Variants in UNC13C observed in about 807,000 individuals in gnomAD.
UNC13C encodes the protein protein unc-13 homolog C.
Under a neutral mutation model 245.4 loss-of-function variants are expected in UNC13C, and 174 were observed. The observed-to-expected ratio is 0.71, with a 90% CI of 0.63 to 0.80. The LOEUF is 0.80. Ranked by LOEUF, UNC13C falls within the 30% of genes least tolerant of loss-of-function variation. UNC13C has a pLI of 0.00. For missense variants in UNC13C, 2,829 were observed against 2,602.9 expected (o/e 1.09, Z -1.89); for synonymous variants, 992 against 895.1 (o/e 1.11, Z -1.93).
At chr15:54,048,047 C>T (rs910845526) in intron 2 of UNC13C, among the ~76,000 whole-genome samples, 2 of 152,108 alleles carry the variant, frequency 1.3e-5, no homozygotes, top group African/African-American at 2.4e-5. Context: ...TGTACTTTTA[C>T]GTTAAATACA....
intron 4 of UNC13C, among the ~76,000 whole-genome samples, chr15:54,203,222 G>A (rs2034578289): frequency 6.6e-6 from 1 of 151,918 alleles, no homozygotes; most frequent in South Asian, 2.1e-4. Flanking sequence ...TTTTTACACT[G>A]TTGGTGGGAA....
chr15:54,585,771 C>G (rs1333472442), intron 30 of UNC13C, among the ~76,000 whole-genome samples: 2 of 152,136 alleles, frequency 1.3e-5, no homozygotes. Flanking sequence ...AGAAAAAAAT[C>G]TCACCTCTTA....
At chr15:54,434,689 C>T (rs898414668) in intron 19 of UNC13C, among the ~76,000 whole-genome samples, 12 of 152,034 alleles carry the variant, frequency 7.9e-5, no homozygotes, top group African/African-American at 2.9e-4. Flanking sequence ...GACTTCATGA[C>T]TAAAACACTG....
chr15:54,167,633 A>T (rs1290398676), intron 4 of UNC13C, among the ~76,000 whole-genome samples: 1 of 149,344 alleles, frequency 6.7e-6, no homozygotes, highest in Non-Finnish European at 1.5e-5. Flanking sequence ...AAGAAACAAA[A>T]CCAAATCTCA....
At chr15:54,223,423 G>T (rs2035285469) in intron 4 of UNC13C, among the ~76,000 whole-genome samples, 1 of 151,880 alleles carries the variant, frequency 6.6e-6, no homozygotes. Flanking sequence ...TTTGTTTCTG[G>T]GTTCTCTATT....
At chr15:54,586,438 A>G (rs1898496412) in intron 30 of UNC13C, among the ~76,000 whole-genome samples, 1 of 152,172 alleles carries the variant, frequency 6.6e-6, no homozygotes, top group Non-Finnish European at 1.5e-5. Context: ...TTCTGTTCTC[A>G]TGGCCTTTTC....
intron 30 of UNC13C, among the ~76,000 whole-genome samples, chr15:54,574,088 AT>A (rs910790849): frequency 9.5e-4 from 144 of 152,260 alleles, no homozygotes; most frequent in African/African-American, 3.0e-3. Flanking sequence ...AAGAAACATA[AT>A]TTTTTTTAAA....
the UNC13C span, among the ~76,000 whole-genome samples, chr15:53,968,509 G>A: frequency 1.3e-5 from 2 of 152,078 alleles, no homozygotes; most frequent in South Asian, 2.1e-4. Flanking sequence ...CAAAGGAAAG[G>A]GGGTTCTTAG....
In UNC13C at chr15:54,415,033, T is replaced by C. The variant is rs1188904948; in HGVS notation, c.4899T>C (p.Thr1633=). ...AAATAAGTGCCGAAATTATGTGGAC[T>C]CTTTTTGCTCTGGATATGAAATATG... ...MGKISAEIMW[T]LFALDMKYAL... is the part of the protein sequence containing the mutation. Residue 1633 remains threonine, a synonymous_variant, in exon 19 of 33, where the codon ACT becomes ACC. Coordinates refer to ENST00000260323, the MANE Select transcript of UNC13C (RefSeq NM_001080534.3). 2 of 1,612,634 alleles carry C rather than the reference T, an allele frequency of 1.2e-6. No individual in the cohort carries two copies. The highest frequency in any genetic ancestry group is 4.5e-5 in the East Asian group (2 of 44,738).
chr15:54,431,314 A>G (rs951940282), intron 19 of UNC13C, among the ~76,000 whole-genome samples: 8 of 151,614 alleles, frequency 5.3e-5, no homozygotes, highest in African/African-American at 1.9e-4. Context: ...CTGAATCACA[A>G]GCTTTTTTTT....
At chr15:53,858,320 T>G in the UNC13C span, among the ~76,000 whole-genome samples, 21 of 152,144 alleles carry the variant, frequency 1.4e-4, no homozygotes, top group African/African-American at 4.3e-4. Context: ...TGGTTTCACT[T>G]TAGTATTTTG....
At chr15:54,456,554 A>C (rs1399802284) in intron 19 of UNC13C, among the ~76,000 whole-genome samples, 1 of 151,270 alleles carries the variant, frequency 6.6e-6, no homozygotes, top group African/African-American at 2.4e-5. Context: ...CCTTATAGAG[A>C]TCTTTCACCT....
chr15:54,383,979 C>G (rs2039782622), intron 17 of UNC13C, among the ~76,000 whole-genome samples: 1 of 151,978 alleles, frequency 6.6e-6, no homozygotes, highest in Non-Finnish European at 1.5e-5. Context: ...ACAAGGAAAA[C>G]TGCAAAACAC....
chr15:54,443,976 G>A (rs1890668110), intron 19 of UNC13C, among the ~76,000 whole-genome samples: 1 of 150,766 alleles, frequency 6.6e-6, no homozygotes, highest in Non-Finnish European at 1.5e-5. Flanking sequence ...CTGTCTAGAT[G>A]ATCTGTCTAA....
At chr15:54,597,823 T>G (rs1267823472) in intron 30 of UNC13C, among the ~76,000 whole-genome samples, 4 of 152,184 alleles carry the variant, frequency 2.6e-5, no homozygotes, top group Non-Finnish European at 4.4e-5. Context: ...ATACATCATA[T>G]CCAGCTAATA....
At chr15:53,861,145 G>A in the UNC13C span, among the ~76,000 whole-genome samples, 1 of 151,878 alleles carries the variant, frequency 6.6e-6, no homozygotes. Flanking sequence ...TGCACATTTG[G>A]TTTAGCATTT....
intron 19 of UNC13C, among the ~76,000 whole-genome samples, chr15:54,445,566 A>T (rs932032228): frequency 2.0e-5 from 3 of 152,064 alleles, no homozygotes; most frequent in Non-Finnish European, 4.4e-5. Context: ...GCAATTTTTC[A>T]TGTGTCTGTT....
the UNC13C span, among the ~76,000 whole-genome samples, chr15:53,966,901 T>C: frequency 6.6e-6 from 1 of 152,094 alleles, no homozygotes; most frequent in Non-Finnish European, 1.5e-5. Flanking sequence ...ATAGTTGTCA[T>C]TTTATCTTGA....
chr15:53,979,435 T>C (rs1893835481), intron 1 of UNC13C, among the ~76,000 whole-genome samples: 1 of 125,798 alleles, frequency 7.9e-6, no homozygotes, highest in African/African-American at 2.6e-5. Context: ...CATCAGTTCT[T>C]CAAGAAGAAG....
Sources: allele counts gnomAD v4.1 joint callset (sites outside exome capture counted in the v4.1 genomes callset), GRCh38; gene constraint gnomAD v4.1.1; transcripts MANE v1.5; gene names NCBI Gene and HGNC (gene_info 2026-07-23, HGNC 2026-07-21).